Variants in RABGAP1L observed in about 807,000 individuals in gnomAD.
RABGAP1L encodes the protein rab GTPase-activating protein 1-like.
In RABGAP1L, 63 loss-of-function variants were observed where a neutral mutation model predicts 137.7. The ratio of observed to expected loss-of-function variants is 0.46; its 90% CI spans 0.37 to 0.56. The LOEUF is 0.56. Among genes scored for constraint, RABGAP1L ranks in the 20% least tolerant of loss-of-function variants. The probability of loss-of-function intolerance (pLI) is 0.00; values close to 1 mark genes in which losing one functional copy is unlikely to be tolerated. For missense variants in RABGAP1L, 1,095 were observed against 1,244.0 expected (o/e 0.88, Z 1.80); for synonymous variants, 431 against 433.7 (o/e 0.99, Z 0.08).
chr1:174,337,185 G>A (rs529013719), intron 11 of RABGAP1L, among the ~76,000 whole-genome samples: 17 of 152,118 alleles, frequency 1.1e-4, no homozygotes, highest in African/African-American at 3.1e-4. Context: ...TCAGAGTTCA[G>A]ATGACTGTAA....
intron 14 of RABGAP1L, among the ~76,000 whole-genome samples, chr1:174,674,962 G>T (rs919858218): frequency 6.6e-6 from 1 of 151,796 alleles, no homozygotes; most frequent in Non-Finnish European, 1.5e-5. Flanking sequence ...AAATTTGTTT[G>T]AGTTCATTGT....
At chr1:174,756,183 C>A (rs1487361416) in intron 18 of RABGAP1L, among the ~76,000 whole-genome samples, 1 of 152,106 alleles carries the variant, frequency 6.6e-6, no homozygotes, top group Non-Finnish European at 1.5e-5. Flanking sequence ...GAGTCTGGTT[C>A]TGTTGCCCAG....
intron 4 of RABGAP1L, among the ~76,000 whole-genome samples, chr1:174,231,942 G>T (rs912136860): frequency 6.6e-6 from 1 of 152,086 alleles, no homozygotes; most frequent in Non-Finnish European, 1.5e-5. Context: ...AGATTTAGAC[G>T]GAGCCGCAGA....
rs1672273435 is a variant in RABGAP1L, at chr1:174,994,816, C to T, written c.*4815C>T. On this transcript the variant is annotated 3_prime_UTR_variant, in exon 26 of 26. Coordinates refer to ENST00000681986, the MANE Select transcript of RABGAP1L (RefSeq NM_001366446.1). ...TCAGCCCCACTTCCTTTCTTTCTAA[C>T]TCCTACCTTTCCCTTGCAGAGGAGG... 6.6e-6 allele frequency: 1 copy of T among 152,254 alleles called. No homozygotes were observed. The highest frequency in any genetic ancestry group is 1.9e-4 in the East Asian group (1 of 5,202). 9.4% of individuals were successfully genotyped at this position (152,254 alleles called of 1,614,324 possible).
chr1:174,765,195 T>G (rs976513266), intron 18 of RABGAP1L, among the ~76,000 whole-genome samples: 4 of 152,204 alleles, frequency 2.6e-5, no homozygotes, highest in African/African-American at 9.7e-5. Context: ...TCTACTTTAT[T>G]TTTTATTATA....
chr1:174,466,127 G>A (rs971463567), intron 13 of RABGAP1L, among the ~76,000 whole-genome samples: 1 of 152,132 alleles, frequency 6.6e-6, no homozygotes, highest in Non-Finnish European at 1.5e-5. Context: ...ACTTATTTAG[G>A]TCTAGATCTC....
intron 18 of RABGAP1L, among the ~76,000 whole-genome samples, chr1:174,754,885 C>G (rs1287003725): frequency 6.6e-6 from 1 of 152,134 alleles, no homozygotes; most frequent in Non-Finnish European, 1.5e-5. Flanking sequence ...ATAAGCATTT[C>G]TTGTGATGAG....
chr1:174,480,693 A>G (rs1036992548), intron 13 of RABGAP1L, among the ~76,000 whole-genome samples: 29 of 152,240 alleles, frequency 1.9e-4, no homozygotes, highest in African/African-American at 6.5e-4. Flanking sequence ...AGTTAGTGCT[A>G]TGTGAGAAGG....
At chr1:174,901,433 G>A (rs1404994992) in intron 19 of RABGAP1L, among the ~76,000 whole-genome samples, 1 of 152,114 alleles carries the variant, frequency 6.6e-6, no homozygotes, top group East Asian at 1.9e-4. Flanking sequence ...AAAGGGAGAA[G>A]CCCCCCTTAT....
At chr1:174,585,087 A>G (rs1454567177) in intron 13 of RABGAP1L, among the ~76,000 whole-genome samples, 1 of 152,226 alleles carries the variant, frequency 6.6e-6, no homozygotes, top group Non-Finnish European at 1.5e-5. Flanking sequence ...AGTTTTTAAT[A>G]TAGATTACAT....
intron 13 of RABGAP1L, among the ~76,000 whole-genome samples, chr1:174,432,899 A>G (rs1025033986): frequency 2.6e-5 from 4 of 152,198 alleles, no homozygotes; most frequent in Admixed American, 2.6e-4. Context: ...ATTCAATAGA[A>G]AAGAGAAAGT....
At position 174,991,111 on chromosome 1, in the gene RABGAP1L, G is replaced by T. The variant is rs1672027639; in HGVS notation, c.*1110G>T. On this transcript the variant is annotated 3_prime_UTR_variant, in exon 26 of 26. Coordinates refer to ENST00000681986, the MANE Select transcript of RABGAP1L (RefSeq NM_001366446.1). ...AAATGCATTTGTAACATTTTTGATT[G>T]AATATAAAACCTTTACAGAAATACT... 6.6e-6 allele frequency: 1 copy of T among 152,018 alleles called. No homozygotes were observed. Among genetic ancestry groups the T allele is most frequent in the Non-Finnish European group, 1.5e-5 (1 of 67,992 alleles). The allele number at this position is 152,018 out of a possible 1,614,324, so 9.4% of individuals were successfully genotyped here.
Position 174,793,040 on chromosome 1 carries a change from G to A in RABGAP1L, c.2212-18792G>A, listed in dbSNP as rs144914951. Among the ~76,000 whole-genome samples, 772 of 152,174 alleles carry A rather than the reference G, an allele frequency of 5.1e-3. 4 individuals carry two copies. Among genetic ancestry groups the A allele is most frequent in the Admixed American group, 0.01 (157 of 15,284 alleles). ...CCGGCTACTTGGGAGGCTGAGGCAG[G>A]AGAATCACTTGAACTCAGGAGGCAG... is the stretch of plus-strand genomic sequence containing the variant. On this transcript the variant is annotated intron_variant, in intron 18 of 25. Coordinates refer to ENST00000681986, the MANE Select transcript of RABGAP1L (RefSeq NM_001366446.1).
At chr1:174,853,193 A>G (rs1468398946) in intron 19 of RABGAP1L, among the ~76,000 whole-genome samples, 1 of 150,690 alleles carries the variant, frequency 6.6e-6, no homozygotes, top group Non-Finnish European at 1.5e-5. Context: ...GCATAATATG[A>G]TAAGAATGCC....
chr1:174,957,377 A>C (rs567152919), intron 19 of RABGAP1L, 80 bp from the exon 20 acceptor site: 1 of 1,147,700 alleles, frequency 8.7e-7, no homozygotes, highest in Non-Finnish European at 1.3e-6. Context: ...GAATGCCAGA[A>C]ATTTAACTAG....
intron 10 of RABGAP1L, among the ~76,000 whole-genome samples, chr1:174,293,878 A>G (rs564934635): frequency 3.5e-4 from 54 of 152,178 alleles, no homozygotes; most frequent in Non-Finnish European, 7.1e-4. Context: ...AACAGTAAAC[A>G]ATATACTGGT....
intron 3 of RABGAP1L, among the ~76,000 whole-genome samples, chr1:174,228,504 T>C (rs1242982298): frequency 1.3e-5 from 2 of 152,150 alleles, no homozygotes; most frequent in Non-Finnish European, 2.9e-5. Flanking sequence ...TACATGTATA[T>C]AATAATATAA....
intron 17 of RABGAP1L, among the ~76,000 whole-genome samples, chr1:174,734,946 A>G (rs1572970249): frequency 1.4e-5 from 2 of 140,026 alleles, no homozygotes; most frequent in Admixed American, 7.2e-5. Flanking sequence ...GGAAATTAGG[A>G]TCTCTCTCTT....
At chr1:174,981,509 C>T (rs1171588711) in intron 23 of RABGAP1L, among the ~76,000 whole-genome samples, 2 of 144,234 alleles carry the variant, frequency 1.4e-5, no homozygotes, top group Admixed American at 6.9e-5. Context: ...TGTTTTTATC[C>T]AAAATTATAC....
Sources: allele counts gnomAD v4.1 joint callset (sites outside exome capture counted in the v4.1 genomes callset), GRCh38; gene constraint gnomAD v4.1.1; transcripts MANE v1.5; gene names NCBI Gene and HGNC (gene_info 2026-07-23, HGNC 2026-07-21).